Variants in PLCE1 observed in about 807,000 individuals in gnomAD.
The protein encoded by PLCE1 is 1-phosphatidylinositol 4,5-bisphosphate phosphodiesterase epsilon-1.
A neutral mutation model predicts 242.8 loss-of-function variants in PLCE1; 119 were observed. The ratio of observed to expected loss-of-function variants is 0.49; its 90% CI spans 0.42 to 0.57. The LOEUF is 0.57. PLCE1 is among the 20% of genes least tolerant of loss of function. PLCE1 has a pLI of 0.00. For synonymous variants in PLCE1, 945 were observed against 1,017.4 expected, an observed-to-expected ratio of 0.93 and a Z score of 1.35; for missense variants, 2,441 against 2,788.8, an observed-to-expected ratio of 0.88 and a Z score of 2.81.
intron 1 of PLCE1, among the ~76,000 whole-genome samples, chr10:94,030,430 T>G (rs941823808): frequency 3.3e-5 from 5 of 151,984 alleles, no homozygotes; most frequent in Non-Finnish European, 5.9e-5. Context: ...TGAAAACCAC[T>G]GGGTTTTTTT....
In PLCE1 at chr10:94,227,135, C is replaced by T. The variant is rs896240645; in HGVS notation, c.1810-171C>T. The T allele has an allele frequency of 2.2e-5, 14 of 635,028 alleles. No homozygotes were observed. The African/African-American group carries it at 2.5e-4, about 12-fold the overall frequency. 39.3% of individuals were successfully genotyped at this position (635,028 alleles called of 1,614,324 possible). A position where few individuals can be genotyped will look rare whatever the true frequency, so the allele number is the denominator to read the frequency against. ...CAGGTGATTCGCCCACCTCAGCCTCCCAAAGTGCTGGGATTACAGGCGTGA... is the reference window on the plus strand; with the variant it reads ...CAGGTGATTCGCCCACCTCAGCCTCTCAAAGTGCTGGGATTACAGGCGTGA... On this transcript the variant is annotated intron_variant, in intron 4 of 32. Transcript: ENST00000371380.
chr10:94,235,813 A>G (rs2050301698), intron 6 of PLCE1, 102 bp from the exon 7 acceptor site: 11 of 1,447,300 alleles, frequency 7.6e-6, no homozygotes, highest in Non-Finnish European at 1.0e-5. Context: ...TAAAATAGGC[A>G]CAAATGCCAT....
Position 94,270,478 on chromosome 10 carries a change from T to C in PLCE1, c.4390-8T>C. 6.3e-7 allele frequency: 1 copy of C among 1,589,596 alleles called. No homozygotes were observed. Among genetic ancestry groups the C allele is most frequent in the Non-Finnish European group, 8.6e-7 (1 of 1,157,896 alleles). Reference sequence around the variant, plus strand: ...CTGGACTCTAATGAGCTGTTTTGGCTCTCATAGGAAGTGGTTGAAGCCATT... The same window carrying C: ...CTGGACTCTAATGAGCTGTTTTGGCCCTCATAGGAAGTGGTTGAAGCCATT... On this transcript the variant is annotated splice_polypyrimidine_tract_variant and splice_region_variant and intron_variant, in intron 17 of 32. Transcript: ENST00000371380.
intron 4 of PLCE1, among the ~76,000 whole-genome samples, chr10:94,202,756 C>T (rs961496881): frequency 1.3e-5 from 2 of 152,174 alleles, no homozygotes; most frequent in African/African-American, 4.8e-5. Context: ...TTTGATTCAT[C>T]CTGACCTAAG....
chr10:94,173,317 C>T (rs1178354600), intron 4 of PLCE1, among the ~76,000 whole-genome samples: 2 of 152,158 alleles, frequency 1.3e-5, no homozygotes, highest in African/African-American at 4.8e-5. Context: ...GACAGAATCT[C>T]TGGGAGTCCA....
chr10:94,285,058 A>T, intron 22 of PLCE1, 93 bp downstream of exon 22: 1 of 762,872 alleles, frequency 1.3e-6, no homozygotes, highest in Non-Finnish European at 2.4e-6. Context: ...CACTCTCAAA[A>T]TAACTAAATT....
chr10:94,180,800 C>T (rs1003291654), intron 4 of PLCE1, among the ~76,000 whole-genome samples: 3 of 152,214 alleles, frequency 2.0e-5, no homozygotes, highest in African/African-American at 7.2e-5. Context: ...CAGCATTCAG[C>T]TTACTTGCCC....
intron 3 of PLCE1, among the ~76,000 whole-genome samples, chr10:94,151,324 G>T (rs1243278635): frequency 6.6e-6 from 1 of 152,154 alleles, no homozygotes; most frequent in East Asian, 1.9e-4. Context: ...TCACTTGGGT[G>T]GAAGTCAAGG....
At chr10:94,127,138 G>C (rs1436404540) in intron 2 of PLCE1, among the ~76,000 whole-genome samples, 1 of 152,156 alleles carries the variant, frequency 6.6e-6, no homozygotes, top group Non-Finnish European at 1.5e-5. Flanking sequence ...TACTTATTAT[G>C]GTTCCAAACA....
chr10:94,119,273 T>C (rs1406777444), intron 2 of PLCE1, among the ~76,000 whole-genome samples: 6 of 152,168 alleles, frequency 3.9e-5, no homozygotes, highest in African/African-American at 1.4e-4. Flanking sequence ...AGGCTGTGTC[T>C]TGTTTGAGGT....
At chr10:94,279,757 G>A in intron 19 of PLCE1, 25 bp from the exon 20 acceptor site, 1 of 1,612,938 alleles carries the variant, frequency 6.2e-7, no homozygotes, top group South Asian at 1.1e-5. Context: ...GGCATCTGCA[G>A]TTTACAATTA....
intron 2 of PLCE1, among the ~76,000 whole-genome samples, chr10:94,103,158 T>C (rs7912420): frequency 0.083 from 12,685 of 152,262 alleles, 1,720 homozygotes; most frequent in African/African-American, 0.28. Context: ...GACTGTCAGG[T>C]GTCATGCTGA....
chr10:94,092,366 T>G, intron 2 of PLCE1, among the ~76,000 whole-genome samples: 1 of 152,204 alleles, frequency 6.6e-6, no homozygotes, highest in Non-Finnish European at 1.5e-5. Context: ...AGGTATTGTG[T>G]GAAATCCTTT....
chr10:94,329,810 A>AAAAAAAC lies in PLCE1; in HGVS notation c.*1868_*1869insAAAAACA, dbSNP rs2054138082. The AAAAAAAC allele has an allele frequency of 6.9e-6, 1 of 144,382 alleles. No individual in the cohort carries two copies. The highest frequency in any genetic ancestry group is 2.6e-5 in the African/African-American group (1 of 38,852). The allele number at this position is 144,382 out of a possible 1,614,324, so 8.9% of individuals were successfully genotyped here. On this transcript the variant is annotated 3_prime_UTR_variant, in exon 33 of 33. Coordinates refer to ENST00000371380, the MANE Select transcript of PLCE1 (RefSeq NM_016341.4). Reference sequence around the variant, plus strand: ...AAAAAAAAAAAAAAAAAAAAAAAAAAACACCATACAGCTTTCATGTCATTG... The same window carrying AAAAAAAC: ...AAAAAAAAAAAAAAAAAAAAAAAAAAAAAAAACACACCATACAGCTTTCATGTCATTG...
intron 2 of PLCE1, among the ~76,000 whole-genome samples, chr10:94,117,850 G>T (rs534335258): frequency 6.6e-6 from 1 of 152,188 alleles, no homozygotes; most frequent in Admixed American, 6.5e-5. Flanking sequence ...TCAAATTATT[G>T]CAAGAAGCCC....
At chr10:94,058,404 A>G (rs79575978) in intron 2 of PLCE1, among the ~76,000 whole-genome samples, 4,584 of 152,266 alleles carry the variant, frequency 0.03, 188 homozygotes, top group African/African-American at 0.086. Context: ...AGCCCTGGAA[A>G]GTATTTTCTT....
chr10:94,159,460 C>G (rs2136196844), intron 3 of PLCE1, among the ~76,000 whole-genome samples: 1 of 152,270 alleles, frequency 6.6e-6, no homozygotes, highest in East Asian at 1.9e-4. Flanking sequence ...TCTTCTCTCT[C>G]TCTCTCTTAT....
intron 26 of PLCE1, 60 bp from the exon 27 acceptor site, chr10:94,308,521 G>A: frequency 8.5e-7 from 1 of 1,175,242 alleles, no homozygotes; most frequent in South Asian, 1.2e-5. Context: ...CGACTTCCAG[G>A]AGCATCTTCT....
At chr10:94,232,664 C>T (rs540805889) in intron 5 of PLCE1, among the ~76,000 whole-genome samples, 67 of 152,300 alleles carry the variant, frequency 4.4e-4, no homozygotes, top group Non-Finnish European at 8.5e-4. Flanking sequence ...TTCCTCACCC[C>T]CTGGGGTCCT....
Sources: allele counts gnomAD v4.1 joint callset (sites outside exome capture counted in the v4.1 genomes callset), GRCh38; gene constraint gnomAD v4.1.1; transcripts MANE v1.5; gene names NCBI Gene and HGNC (gene_info 2026-07-23, HGNC 2026-07-21).